Variants in VTI1A observed in about 807,000 individuals in gnomAD.
VTI1A encodes vesicle transport through interaction with t-SNAREs homolog 1A.
VTI1A carries 22 observed loss-of-function variants against 34.9 expected under a neutral mutation model. The observed-to-expected ratio is 0.63, with a 90% confidence interval of 0.45 to 0.90. VTI1A has a LOEUF of 0.90. Ranked by LOEUF, VTI1A falls within the 40% of genes least tolerant of loss-of-function variation. The pLI is 0.00. For missense variants in VTI1A, 268 were observed against 275.6 expected (o/e 0.97, Z 0.20); for synonymous variants, 87 against 97.3 (o/e 0.89, Z 0.62).
At chr10:112,492,779 A>G (rs1466425995) in intron 3 of VTI1A, among the ~76,000 whole-genome samples, 1 of 152,040 alleles carries the variant, frequency 6.6e-6, no homozygotes, top group Non-Finnish European at 1.5e-5. Flanking sequence ...GTCTCAAAAA[A>G]AAAAAAAGCA....
At chr10:112,642,608 A>AGTGTGTGTGTGT (rs75201126) in intron 5 of VTI1A, among the ~76,000 whole-genome samples, 8 of 150,200 alleles carry the variant, frequency 5.3e-5, no homozygotes, top group African/African-American at 2.0e-4. Flanking sequence ...TATACAGGGT[A>AGTGTGTGTGTGT]GTGTGTGTGT....
chr10:112,537,564 T>C (rs183842728), intron 4 of VTI1A, among the ~76,000 whole-genome samples: 5 of 152,046 alleles, frequency 3.3e-5, no homozygotes, highest in African/African-American at 1.2e-4. Context: ...TAGTTCACAG[T>C]CTAAAGCACT....
intron 7 of VTI1A, among the ~76,000 whole-genome samples, chr10:112,754,256 C>T (rs991575839): frequency 1.3e-5 from 2 of 152,082 alleles, no homozygotes; most frequent in African/African-American, 4.8e-5. Flanking sequence ...TTTAACACTC[C>T]AGGAACTTAG....
chr10:112,807,184 G>A (rs938681389), intron 7 of VTI1A, among the ~76,000 whole-genome samples: 7 of 152,162 alleles, frequency 4.6e-5, no homozygotes, highest in African/African-American at 1.7e-4. Context: ...TGGAGACGTG[G>A]AAAACAGTCA....
intron 7 of VTI1A, among the ~76,000 whole-genome samples, chr10:112,732,109 T>G (rs1056862381): frequency 6.6e-6 from 1 of 152,116 alleles, no homozygotes; most frequent in Non-Finnish European, 1.5e-5. Flanking sequence ...ATCACATTTT[T>G]GGGGAACTTA....
intron 5 of VTI1A, among the ~76,000 whole-genome samples, chr10:112,549,939 T>C (rs1851285972): frequency 6.6e-6 from 1 of 152,216 alleles, no homozygotes; most frequent in African/African-American, 2.4e-5. Context: ...GTTGTGCTTA[T>C]ATATACTTTG....
chr10:112,529,708 A>G (rs1850358301), intron 4 of VTI1A, among the ~76,000 whole-genome samples: 1 of 152,146 alleles, frequency 6.6e-6, no homozygotes, highest in African/African-American at 2.4e-5. Flanking sequence ...AAATAGCAAT[A>G]TTCATTTAAT....
chr10:112,779,918 A>G lies in VTI1A; in HGVS notation c.561-35372A>G, dbSNP rs144218414. On this transcript the variant is annotated intron_variant, in intron 7 of 7. Transcript: ENST00000393077. ...GAGGCTGAGAACTTCCTTGTTCTTT[A>G]GGTTTCTCACAGATTATTTTTCTGT... Among the ~76,000 whole-genome samples, 901 of 152,130 alleles carry G rather than the reference A, an allele frequency of 5.9e-3. 9 individuals are homozygous for G. The highest frequency in any genetic ancestry group is 0.02 in the African/African-American group (846 of 41,482).
chr10:112,759,560 A>T (rs1851391011), intron 7 of VTI1A, among the ~76,000 whole-genome samples: 1 of 152,236 alleles, frequency 6.6e-6, no homozygotes, highest in Non-Finnish European at 1.5e-5. Flanking sequence ...ACACAGTTCA[A>T]TTGCAAAACA....
At chr10:112,496,886 G>A (rs1034102712) in intron 3 of VTI1A, among the ~76,000 whole-genome samples, 1 of 152,058 alleles carries the variant, frequency 6.6e-6, no homozygotes, top group Non-Finnish European at 1.5e-5. Context: ...ACTGCCAGTT[G>A]TACCAATGTT....
At chr10:112,751,259 T>C (rs934969475) in intron 7 of VTI1A, among the ~76,000 whole-genome samples, 6 of 151,750 alleles carry the variant, frequency 4.0e-5, no homozygotes, top group African/African-American at 1.5e-4. Flanking sequence ...TGAAGAAAGG[T>C]TTGCTGGGAA....
chr10:112,447,554 T>G (rs1846930184), intron 1 of VTI1A, 87 bp downstream of exon 1: 2 of 1,467,186 alleles, frequency 1.4e-6, no homozygotes, highest in Non-Finnish European at 1.9e-6. Flanking sequence ...AGTGTGTCTA[T>G]GAGGCGCGAG....
intron 5 of VTI1A, among the ~76,000 whole-genome samples, chr10:112,661,566 TTA>T (rs1234281885): frequency 6.6e-6 from 1 of 152,190 alleles, no homozygotes; most frequent in Non-Finnish European, 1.5e-5. Context: ...TATTTTTTGG[TTA>T]TCAAAGAGTA....
At chr10:112,617,069 CAG>C (rs1218832646) in intron 5 of VTI1A, among the ~76,000 whole-genome samples, 2 of 151,866 alleles carry the variant, frequency 1.3e-5, no homozygotes, top group Non-Finnish European at 2.9e-5. Context: ...AAAATAAATA[CAG>C]AGTTTCACAT....
intron 7 of VTI1A, among the ~76,000 whole-genome samples, chr10:112,679,445 C>T (rs1290086429): frequency 6.6e-6 from 1 of 151,854 alleles, no homozygotes; most frequent in East Asian, 1.9e-4. Flanking sequence ...TTAAAATTAT[C>T]TCTAACATTT....
At chr10:112,531,269 C>T (rs1276496952) in intron 4 of VTI1A, among the ~76,000 whole-genome samples, 2 of 151,998 alleles carry the variant, frequency 1.3e-5, no homozygotes, top group Admixed American at 6.5e-5. Flanking sequence ...GTATCAAATT[C>T]TGCATTGGGG....
intron 5 of VTI1A, among the ~76,000 whole-genome samples, chr10:112,664,395 T>TA (rs1379504754): frequency 2.0e-5 from 3 of 151,984 alleles, no homozygotes; most frequent in East Asian, 1.9e-4. Context: ...AAATTTTTTT[T>TA]AAAAAAAAGA....
chr10:112,489,592 G>T (rs962499615), intron 3 of VTI1A, among the ~76,000 whole-genome samples: 6 of 152,184 alleles, frequency 3.9e-5, no homozygotes, highest in African/African-American at 1.4e-4. Flanking sequence ...TTAATTAGAA[G>T]TAATTTGTTA....
At chr10:112,707,739 C>G (rs560236668) in intron 7 of VTI1A, among the ~76,000 whole-genome samples, 1 of 152,294 alleles carries the variant, frequency 6.6e-6, no homozygotes, top group East Asian at 1.9e-4. Flanking sequence ...AGACCTGTCT[C>G]TGATTTGCTC....
Sources: allele counts gnomAD v4.1 joint callset (sites outside exome capture counted in the v4.1 genomes callset), GRCh38; gene constraint gnomAD v4.1.1; transcripts MANE v1.5; gene names NCBI Gene and HGNC (gene_info 2026-07-23, HGNC 2026-07-21).